The following LRMDA variants were observed in gnomAD, a reference collection of about 807,000 sequenced individuals.
LRMDA encodes leucine-rich melanocyte differentiation-associated protein.
Under a neutral mutation model 29.8 loss-of-function variants are expected in LRMDA, and 18 were observed. The observed-to-expected ratio is 0.60, with a 90% CI of 0.42 to 0.90. The LOEUF (loss-of-function observed/expected upper bound fraction) is 0.90, where lower values mean the gene tolerates loss of function less well. Among genes scored for constraint, LRMDA ranks in the 40% least tolerant of loss-of-function variants. The pLI, the probability that LRMDA is intolerant of heterozygous loss-of-function variation, is 0.00. For synonymous variants in LRMDA, 125 were observed against 109.4 expected, an observed-to-expected ratio of 1.14 and a Z score of -0.89; for missense variants, 273 against 273.9, an observed-to-expected ratio of 1.00 and a Z score of 0.02.
chr10:75,814,190 T>C (rs565120260), intron 2 of LRMDA, among the ~76,000 whole-genome samples: 16 of 152,352 alleles, frequency 1.1e-4, no homozygotes, highest in African/African-American at 3.6e-4. Flanking sequence ...ATGGCCCTAA[T>C]ATGCAGTGGC....
chr10:76,029,884 C>A (rs1441284660), intron 2 of LRMDA, among the ~76,000 whole-genome samples: 1 of 152,082 alleles, frequency 6.6e-6, no homozygotes, highest in Non-Finnish European at 1.5e-5. Flanking sequence ...AGTCATGTAA[C>A]CACTACTTCT....
chr10:76,225,533 G>T (rs1055411989), intron 5 of LRMDA, among the ~76,000 whole-genome samples: 1 of 151,874 alleles, frequency 6.6e-6, no homozygotes, highest in Non-Finnish European at 1.5e-5. Flanking sequence ...ATGAGGTATT[G>T]CTCTATTATA....
chr10:75,847,982 C>T (rs1350010059), intron 2 of LRMDA, among the ~76,000 whole-genome samples: 1 of 152,162 alleles, frequency 6.6e-6, no homozygotes, highest in Non-Finnish European at 1.5e-5. Context: ...AATGATGCAA[C>T]TGCTATGAAA....
intron 6 of LRMDA, among the ~76,000 whole-genome samples, chr10:76,532,505 G>A (rs1843245252): frequency 6.6e-6 from 1 of 152,148 alleles, no homozygotes; most frequent in African/African-American, 2.4e-5. Flanking sequence ...AGTATCCTTG[G>A]GTTCAAGTAA....
At chr10:75,996,646 ATCT>A (rs753639893) in intron 2 of LRMDA, among the ~76,000 whole-genome samples, 4 of 152,154 alleles carry the variant, frequency 2.6e-5, no homozygotes, top group African/African-American at 4.8e-5. Flanking sequence ...AGCATGTTGC[ATCT>A]GTTAACATAG....
chr10:76,556,644 C>G (rs746514827), intron 6 of LRMDA: 1 of 153,326 alleles, frequency 6.5e-6, no homozygotes, highest in African/African-American at 2.4e-5. Flanking sequence ...TGAGCCACCA[C>G]GCCCGGCCAT....
intron 6 of LRMDA, among the ~76,000 whole-genome samples, chr10:76,493,749 A>C (rs1249936916): frequency 6.6e-6 from 1 of 152,018 alleles, no homozygotes; most frequent in Non-Finnish European, 1.5e-5. Flanking sequence ...GCAATTTTAG[A>C]ATCAGTTTGC....
intron 5 of LRMDA, among the ~76,000 whole-genome samples, chr10:76,305,770 T>C (rs1449134638): frequency 6.6e-6 from 1 of 152,180 alleles, no homozygotes; most frequent in Non-Finnish European, 1.5e-5. Context: ...GCTTCACACA[T>C]ATGTATACGT....
At chr10:75,431,854 G>A in intron 1 of LRMDA, 100 bp downstream of exon 1, 1 of 1,134,270 alleles carries the variant, frequency 8.8e-7, no homozygotes, top group Non-Finnish European at 1.1e-6. Flanking sequence ...CCCTGTCCCC[G>A]CCTCAGGGGG....
intron 2 of LRMDA, among the ~76,000 whole-genome samples, chr10:75,633,548 A>C (rs926687007): frequency 1.3e-5 from 2 of 152,224 alleles, no homozygotes; most frequent in African/African-American, 4.8e-5. Flanking sequence ...TTTCTGTCTT[A>C]AGCCAGGTCC....
chr10:76,251,128 A>G (rs1277245622), intron 5 of LRMDA, among the ~76,000 whole-genome samples: 1 of 152,056 alleles, frequency 6.6e-6, no homozygotes, highest in Non-Finnish European at 1.5e-5. Context: ...CTAGAAAATA[A>G]CGCATTGCTT....
chr10:75,764,430 T>C (rs1220141400), intron 2 of LRMDA, among the ~76,000 whole-genome samples: 1 of 152,180 alleles, frequency 6.6e-6, no homozygotes, highest in Non-Finnish European at 1.5e-5. Context: ...AGTGAGTTCA[T>C]AGAGCCCCCA....
At chr10:75,850,679 C>T (rs1589228101) in intron 2 of LRMDA, among the ~76,000 whole-genome samples, 2 of 152,188 alleles carry the variant, frequency 1.3e-5, no homozygotes, top group African/African-American at 4.8e-5. Context: ...GGGTTAGAAG[C>T]TAAGATCACT....
At chr10:75,912,174 C>G (rs1845853508) in intron 2 of LRMDA, among the ~76,000 whole-genome samples, 1 of 152,204 alleles carries the variant, frequency 6.6e-6, no homozygotes, top group South Asian at 2.1e-4. Flanking sequence ...TACTCATTTC[C>G]CCCCCTTCCC....
At chr10:76,344,779 A>T (rs1279846643) in intron 6 of LRMDA, among the ~76,000 whole-genome samples, 1 of 152,096 alleles carries the variant, frequency 6.6e-6, no homozygotes, top group Non-Finnish European at 1.5e-5. Flanking sequence ...TTAAATAGGT[A>T]GGGAAAAGAT....
At chr10:75,499,465 T>C (rs372615792) in intron 2 of LRMDA, among the ~76,000 whole-genome samples, 1 of 152,236 alleles carries the variant, frequency 6.6e-6, no homozygotes, top group Admixed American at 6.5e-5. Context: ...TCTCTGGGCC[T>C]TGACTGTCTT....
At position 76,210,629 on chromosome 10, in the gene LRMDA, G is replaced by C. The variant is rs538405365; in HGVS notation, c.517-113772G>C. 2.6e-5 allele frequency among the ~76,000 whole-genome samples: 4 copies of C among 152,326 alleles called. No individual in the cohort carries two copies. The South Asian group carries it at 8.3e-4, about 32-fold the overall frequency. ...ATGGCTGACAGTTATTTGTGGGTTAGTGGGAACAGTGGTGGTGCAGGGGGT... is the reference window on the plus strand; with the variant it reads ...ATGGCTGACAGTTATTTGTGGGTTACTGGGAACAGTGGTGGTGCAGGGGGT... On this transcript the variant is annotated intron_variant, in intron 5 of 6. Coordinates refer to ENST00000611255, the MANE Select transcript of LRMDA (RefSeq NM_001305581.2).
chr10:76,225,412 G>A (rs941903289), intron 5 of LRMDA, among the ~76,000 whole-genome samples: 3 of 151,328 alleles, frequency 2.0e-5, no homozygotes, highest in South Asian at 2.1e-4. Context: ...GTGAGACTCC[G>A]TCTCAAAAAA....
At chr10:76,340,182 G>T (rs1174289107) in intron 6 of LRMDA, among the ~76,000 whole-genome samples, 1 of 152,042 alleles carries the variant, frequency 6.6e-6, no homozygotes, top group Non-Finnish European at 1.5e-5. Flanking sequence ...TATTAAAAAA[G>T]AAAATGGGAT....
Sources: allele counts gnomAD v4.1 joint callset (sites outside exome capture counted in the v4.1 genomes callset), GRCh38; gene constraint gnomAD v4.1.1; transcripts MANE v1.5; gene names NCBI Gene and HGNC (gene_info 2026-07-23, HGNC 2026-07-21).